The following CRLF3 variants were observed in gnomAD, a reference collection of about 807,000 sequenced individuals.
CRLF3 encodes cytokine receptor like factor 3.
Under a neutral mutation model 55.0 loss-of-function variants are expected in CRLF3, and 33 were observed. The observed-to-expected ratio is 0.60, with a 90% CI of 0.46 to 0.80. CRLF3 has a LOEUF of 0.80. CRLF3 is among the 30% of genes least tolerant of loss of function. The pLI is 0.00. For synonymous variants in CRLF3, 238 were observed against 196.8 expected (o/e 1.21, Z -1.75); for missense variants, 494 against 538.4 (o/e 0.92, Z 0.82).
chr17:30,821,012 GC>G (rs1410091608), intron 1 of CRLF3, among the ~76,000 whole-genome samples: 1 of 151,416 alleles, frequency 6.6e-6, no homozygotes, highest in Non-Finnish European at 1.5e-5. Flanking sequence ...TTCTGATCAT[GC>G]CACTGCACTC....
rs977351477 is a variant in CRLF3, at chr17:30,783,636, T to A, written c.*551A>T. 6.6e-6 allele frequency: 1 copy of A among 152,166 alleles called. No homozygotes were observed. The highest frequency in any genetic ancestry group is 6.6e-5 in the Admixed American group (1 of 15,248). The allele number at this position is 152,166 out of a possible 1,614,324, so 9.4% of individuals were successfully genotyped here. ...CCGTCTCAACAAAAAAAGAAAAAGT[T>A]ATAATGTTTTGGGGACTTAAAGATT... is the stretch of plus-strand genomic sequence containing the variant. On this transcript the variant is annotated 3_prime_UTR_variant, in exon 8 of 8. Coordinates refer to ENST00000324238, the MANE Select transcript of CRLF3 (RefSeq NM_015986.4).
intron 1 of CRLF3, among the ~76,000 whole-genome samples, chr17:30,821,956 C>T (rs1905008924): frequency 6.6e-6 from 1 of 151,102 alleles, no homozygotes; most frequent in Admixed American, 6.6e-5. Flanking sequence ...CACAGTGGCT[C>T]ACACCTGTAA....
rs1157353748 is a variant in CRLF3 at position 30,783,317 on chromosome 17, T to TA, written c.*869dup. 1.3e-5 allele frequency: 2 copies of TA among 152,064 alleles called. No individual in the cohort carries two copies. Among genetic ancestry groups the TA allele is most frequent in the Non-Finnish European group, 1.5e-5 (1 of 68,016 alleles). The allele number at this position is 152,064 out of a possible 1,614,324, so 9.4% of individuals were successfully genotyped here. The stretch of plus-strand genomic sequence containing the variant: ...TATTTTAGACACTTGGTCAAGCATT[T>TA]AAAAAAATACAAAAATTGGTCCACT... On this transcript the variant is annotated 3_prime_UTR_variant, in exon 8 of 8. Coordinates refer to ENST00000324238, the MANE Select transcript of CRLF3 (RefSeq NM_015986.4).
intron 6 of CRLF3, among the ~76,000 whole-genome samples, chr17:30,789,459 A>C (rs987606659): frequency 6.6e-6 from 1 of 152,220 alleles, no homozygotes; most frequent in African/African-American, 2.4e-5. Context: ...CATAAGAGGT[A>C]AAAGTTAAAG....
intron 1 of CRLF3, among the ~76,000 whole-genome samples, chr17:30,806,110 C>G (rs1299545666): frequency 6.6e-6 from 1 of 151,914 alleles, no homozygotes; most frequent in Non-Finnish European, 1.5e-5. Flanking sequence ...AAAAGAAAAC[C>G]AAAAATTATT....
intron 1 of CRLF3, among the ~76,000 whole-genome samples, chr17:30,816,815 T>G (rs1597932861): frequency 1.3e-5 from 2 of 152,120 alleles, no homozygotes; most frequent in African/African-American, 4.8e-5. Flanking sequence ...GATGCACACT[T>G]ACAGTTATGT....
chr17:30,785,781 TAAAAAAA>T (rs55664579), intron 7 of CRLF3, 131 bp downstream of exon 7: 1 of 426,004 alleles, frequency 2.3e-6, no homozygotes, highest in African/African-American at 2.9e-5. Context: ...GACTTCATAA[TAAAAAAA>T]AAAAAAAAGA....
chr17:30,791,432 C>T (rs982768002), intron 6 of CRLF3, among the ~76,000 whole-genome samples: 6 of 152,038 alleles, frequency 3.9e-5, no homozygotes, highest in Non-Finnish European at 8.8e-5. Flanking sequence ...GTCTCGAACT[C>T]CTGACCACAA....
chr17:30,819,890 T>C (rs1279053358), intron 1 of CRLF3, among the ~76,000 whole-genome samples: 3 of 152,204 alleles, frequency 2.0e-5, no homozygotes, highest in Admixed American at 2.0e-4. Flanking sequence ...AGGGCAGTGA[T>C]CTATTTCCTT....
intron 1 of CRLF3, 34 bp downstream of exon 1, chr17:30,824,489 G>A (rs564542360): frequency 3.2e-6 from 5 of 1,558,486 alleles, no homozygotes; most frequent in Non-Finnish European, 4.3e-6. Context: ...CCACCCCCGG[G>A]CCCACAGCGC....
chr17:30,783,024 TAAAAA>T lies in CRLF3; in HGVS notation c.*1158_*1162del. On this transcript the variant is annotated 3_prime_UTR_variant, in exon 8 of 8. Transcript: ENST00000324238. Reference sequence around the variant, plus strand: ...TTACACACAAATTTAAGTAAGTTTTTAAAAAAAATAAGTATTTACGCTATATTTTT... The same window carrying T: ...TTACACACAAATTTAAGTAAGTTTTTAAATAAGTATTTACGCTATATTTTT... The T allele has an allele frequency of 6.6e-6, 1 of 152,142 alleles. No homozygotes were observed. The highest frequency in any genetic ancestry group is 3.4e-3 in the Middle Eastern group (1 of 294). The allele number at this position is 152,142 out of a possible 1,614,324, so 9.4% of individuals were successfully genotyped here. A position where few individuals can be genotyped will look rare whatever the true frequency, so the allele number is the denominator to read the frequency against.
At chr17:30,820,125 A>G (rs1904944043) in intron 1 of CRLF3, among the ~76,000 whole-genome samples, 1 of 152,244 alleles carries the variant, frequency 6.6e-6, no homozygotes, top group Non-Finnish European at 1.5e-5. Flanking sequence ...TTTCCTGAAG[A>G]CAATGAACAG....
At chr17:30,796,586 C>A (rs773022261) in intron 3 of CRLF3, among the ~76,000 whole-genome samples, 9 of 152,124 alleles carry the variant, frequency 5.9e-5, no homozygotes, top group Non-Finnish European at 1.0e-4. Context: ...AATATGACTC[C>A]ATTTCAACAA....
At chr17:30,795,940 G>C (rs1567662200) in intron 4 of CRLF3, among the ~76,000 whole-genome samples, 1 of 152,026 alleles carries the variant, frequency 6.6e-6, no homozygotes, top group African/African-American at 2.4e-5. Context: ...CTCGGTGAAA[G>C]AGCAAAACTC....
At chr17:30,790,170 T>C (rs1043686010) in intron 6 of CRLF3, among the ~76,000 whole-genome samples, 1 of 152,120 alleles carries the variant, frequency 6.6e-6, no homozygotes, top group African/African-American at 2.4e-5. Flanking sequence ...GATAAAATAT[T>C]CAGATATTCT....
chr17:30,823,946 G>A (rs1905065252), intron 1 of CRLF3, among the ~76,000 whole-genome samples: 1 of 151,956 alleles, frequency 6.6e-6, no homozygotes, highest in South Asian at 2.1e-4. Flanking sequence ...TACTCTAAAT[G>A]ATTTTTTAAA....
chr17:30,821,913 A>T (rs536426548), intron 1 of CRLF3, among the ~76,000 whole-genome samples: 1 of 151,960 alleles, frequency 6.6e-6, no homozygotes, highest in African/African-American at 2.4e-5. Flanking sequence ...TGTGTGAATT[A>T]TATCTCAATA....
chr17:30,795,491 T>C (rs11658945), intron 4 of CRLF3, among the ~76,000 whole-genome samples: 20,058 of 129,704 alleles, frequency 0.15, 1,460 homozygotes, highest in South Asian at 0.27. Flanking sequence ...AACGAAACTC[T>C]GTCTCAAAAA....
At chr17:30,784,573 C>T (rs375936349) in intron 7 of CRLF3, 130 bp from the exon 8 acceptor site, 5 of 772,020 alleles carry the variant, frequency 6.5e-6, no homozygotes, top group African/African-American at 3.5e-5. Context: ...GCCAACTGGA[C>T]ATAGATTTTA....
Sources: gnomAD v4.1 joint callset for allele counts (sites outside exome capture counted in the v4.1 genomes callset) on GRCh38, gnomAD v4.1.1 for gene constraint, MANE v1.5 for transcripts, NCBI Gene and HGNC (gene_info 2026-07-23, HGNC 2026-07-21) for gene names.